DNAH10: variants seen among roughly 807,000 people sequenced by gnomAD.
DNAH10 encodes dynein axonemal heavy chain 10.
Under a neutral mutation model 506.6 loss-of-function variants are expected in DNAH10, and 348 were observed. The observed-to-expected ratio is 0.69, with a 90% CI of 0.63 to 0.75. The LOEUF (loss-of-function observed/expected upper bound fraction) is 0.75. Ranked by LOEUF, DNAH10 falls within the 30% of genes least tolerant of loss-of-function variation. The pLI, the probability that DNAH10 is intolerant of heterozygous loss-of-function variation, is 0.00. For synonymous variants in DNAH10, 2,059 were observed against 2,198.6 expected (o/e 0.94, Z 1.78); for missense variants, 5,179 against 5,787.1 (o/e 0.89, Z 3.41).
rs75245840 is a variant in DNAH10 at position 123,859,206 on chromosome 12, G to C, written c.6687G>C (p.Val2229=). 2,572 of 1,612,056 alleles carry C rather than the reference G, an allele frequency of 1.6e-3. 31 individuals are homozygous for C. The African/African-American group carries it at 0.03, about 18-fold the overall frequency. Residue 2229 remains valine, a synonymous_variant, in exon 38 of 79, where the codon GTG becomes GTC. Transcript: ENST00000673944. The stretch of plus-strand genomic sequence containing the variant: ...TGTTAACCCGCCACACGACGATGGT[G>C]GTGGGGCCCACCAGAGGGGGCAAGT... ...ETMLTRHTTM[V]VGPTRGGKSV...
At chr12:123,872,520 C>T (rs1952075846) in intron 45 of DNAH10, among the ~76,000 whole-genome samples, 1 of 152,192 alleles carries the variant, frequency 6.6e-6, no homozygotes, top group African/African-American at 2.4e-5. Flanking sequence ...CATTCAGCTT[C>T]AACACGTTCA....
chr12:123,930,106 G>A (rs1955137203), intron 72 of DNAH10: 1 of 516,772 alleles, frequency 1.9e-6, no homozygotes, highest in Non-Finnish European at 3.4e-6. Flanking sequence ...GCAGCTGCTG[G>A]CTTCTTCAGC....
At chr12:123,770,979 T>TC (rs1226803985) in intron 2 of DNAH10, among the ~76,000 whole-genome samples, 3 of 148,972 alleles carry the variant, frequency 2.0e-5, no homozygotes, top group Admixed American at 1.3e-4. Flanking sequence ...TAATTCTTTT[T>TC]TTTTTTTTTT....
chr12:123,867,029 C>G (rs1268299856), intron 41 of DNAH10, among the ~76,000 whole-genome samples: 1 of 152,216 alleles, frequency 6.6e-6, no homozygotes, highest in Admixed American at 6.5e-5. Context: ...GGAAGCATGA[C>G]AGAACCATCT....
intron 51 of DNAH10, among the ~76,000 whole-genome samples, chr12:123,884,342 A>G (rs1158812152): frequency 1.3e-5 from 2 of 152,200 alleles, no homozygotes; most frequent in African/African-American, 4.8e-5. Flanking sequence ...ACTCAGCATC[A>G]TTGCCATTAC....
In DNAH10 at chr12:123,916,379, C is replaced by T; in HGVS notation, c.10723-78C>T. On this transcript the variant is annotated intron_variant, in intron 62 of 78. Coordinates refer to ENST00000673944, the MANE Select transcript of DNAH10 (RefSeq NM_001372106.1). The surrounding 1 kb of genome is among the most constrained non-coding windows in gnomAD (Gnocchi z 4.6). ...TTCCTGGCCCATCCACTTCCCACTTCCAAGCCATTCTCCCCTTATATTTGG... is the reference window on the plus strand; with the variant it reads ...TTCCTGGCCCATCCACTTCCCACTTTCAAGCCATTCTCCCCTTATATTTGG... 6.5e-7 allele frequency: 1 copy of T among 1,531,934 alleles called. No individual in the cohort carries two copies. Among genetic ancestry groups the T allele is most frequent in the Admixed American group, 2.1e-5 (1 of 47,898 alleles). The allele number at this position is 1,531,934 out of a possible 1,614,324, so 94.9% of individuals were successfully genotyped here.
intron 10 of DNAH10, among the ~76,000 whole-genome samples, chr12:123,788,760 T>C (rs1412617901): frequency 6.6e-6 from 1 of 151,962 alleles, no homozygotes; most frequent in Non-Finnish European, 1.5e-5. Flanking sequence ...AGACCCTGTC[T>C]ATTGAAAATA....
At chr12:123,934,818 T>C in intron 78 of DNAH10, 52 bp downstream of exon 78, 1 of 1,607,150 alleles carries the variant, frequency 6.2e-7, no homozygotes, top group Non-Finnish European at 8.5e-7. Context: ...CTCTTCTGAC[T>C]GTAGTTATGG....
Position 123,928,073 on chromosome 12 carries a change from T to G in DNAH10, c.12106-314T>G. The G allele has an allele frequency of 2.1e-6, 1 of 476,900 alleles. No individual in the cohort carries two copies. The highest frequency in any genetic ancestry group is 3.8e-6 in the Non-Finnish European group (1 of 264,674). The allele number at this position is 476,900 out of a possible 1,614,324, so 29.5% of individuals were successfully genotyped here. On this transcript the variant is annotated intron_variant, in intron 69 of 78. Transcript: ENST00000673944. The surrounding 1 kb of genome is among the most constrained non-coding windows in gnomAD (Gnocchi z 4.9). ...TTTAGCTGGTCTCTTGCAGCCCTGCTCAGGAGTCCTCAGGGGACAGGAGCG... is the reference window on the plus strand; with the variant it reads ...TTTAGCTGGTCTCTTGCAGCCCTGCGCAGGAGTCCTCAGGGGACAGGAGCG...
rs184151378 is a variant in DNAH10 at position 123,797,525 on chromosome 12, G to A, written c.2163+693G>A. Among the ~76,000 whole-genome samples the A allele has an allele frequency of 5.1e-3, 774 of 151,970 alleles. 4 individuals carry two copies. Among genetic ancestry groups the A allele is most frequent in the African/African-American group, 0.017 (686 of 41,476 alleles). On this transcript the variant is annotated intron_variant, in intron 13 of 78. Coordinates refer to ENST00000673944, the MANE Select transcript of DNAH10 (RefSeq NM_001372106.1). ...CTCCTGCCTCAGCCTCCCGAGTAGC[G>A]GGGCCTACAGGTGTGGGCCACCACG...
In DNAH10 at chr12:123,889,417, A is replaced by T. The variant is rs78138255; in HGVS notation, c.8995+2104A>T. 4.1e-3 allele frequency among the ~76,000 whole-genome samples: 624 copies of T among 152,278 alleles called. 4 individuals are homozygous for T. The highest frequency in any genetic ancestry group is 0.014 in the African/African-American group (589 of 41,546). ...AGGGGGGATCGGGTCATCCACCTGG[A>T]TTTATTCCACAGTGTTTATTCCAGA... On this transcript the variant is annotated intron_variant, in intron 52 of 78. Coordinates refer to ENST00000673944, the MANE Select transcript of DNAH10 (RefSeq NM_001372106.1).
chr12:123,801,256 T>C, intron 15 of DNAH10, 25 bp from the exon 16 acceptor site: 1 of 1,610,454 alleles, frequency 6.2e-7, no homozygotes, highest in South Asian at 1.1e-5. Context: ...TCTCCTCAGG[T>C]TTATGACATT....
intron 57 of DNAH10, among the ~76,000 whole-genome samples, chr12:123,904,938 G>A (rs1953706904): frequency 6.6e-6 from 1 of 152,130 alleles, no homozygotes; most frequent in Non-Finnish European, 1.5e-5. Flanking sequence ...ACTGCAACAG[G>A]TAGTATGGGT....
At chr12:123,817,907 A>G (rs1959174156) in intron 21 of DNAH10, among the ~76,000 whole-genome samples, 1 of 151,286 alleles carries the variant, frequency 6.6e-6, no homozygotes, top group Admixed American at 6.6e-5. Flanking sequence ...GCTTTAGTTT[A>G]TGAAGGGCTT....
chr12:123,932,834 T>C (rs1955284084), intron 76 of DNAH10: 1 of 153,536 alleles, frequency 6.5e-6, no homozygotes, highest in Non-Finnish European at 1.4e-5. Flanking sequence ...CTGTGAATTG[T>C]CCTTTTGTAT....
intron 12 of DNAH10, among the ~76,000 whole-genome samples, chr12:123,795,662 C>T (rs766772152): frequency 6.6e-6 from 1 of 152,156 alleles, no homozygotes; most frequent in Admixed American, 6.5e-5. Flanking sequence ...CCATCTGCAA[C>T]CATAATTCCC....
In DNAH10 at chr12:123,848,026, C is replaced by T; in HGVS notation, c.5880C>T (p.Thr1960=). The T allele has an allele frequency of 6.2e-7, 1 of 1,614,026 alleles. No homozygotes were observed. Among genetic ancestry groups the T allele is most frequent in the South Asian group, 1.1e-5 (1 of 91,084 alleles). ...GPAGTGKTET[T]KDLAKALGLL... ...CAGGAACCGGCAAAACCGAGACCAC[C>T]AAGGACCTGGCGAAAGCCTTGGGCT... The change falls in exon 33 of 79, where the codon ACC becomes ACT. Residue 1960 remains threonine, a synonymous_variant. Coordinates refer to ENST00000673944, the MANE Select transcript of DNAH10 (RefSeq NM_001372106.1).
At chr12:123,861,253 A>T in intron 39 of DNAH10, 83 bp downstream of exon 39, 1 of 1,483,206 alleles carries the variant, frequency 6.7e-7, no homozygotes, top group Non-Finnish European at 9.1e-7. Context: ...AGGACTATAC[A>T]TTGTAGCTTC....
chr12:123,916,815 G>T lies in DNAH10; in HGVS notation c.11002+79G>T. Reference sequence around the variant, plus strand: ...CAACCTCAGATCAAGGCATTCATGGGACATCATTTCACTCAGTGACCCCAG... The same window carrying T: ...CAACCTCAGATCAAGGCATTCATGGTACATCATTTCACTCAGTGACCCCAG... On this transcript the variant is annotated intron_variant, in intron 63 of 78. Coordinates refer to ENST00000673944, the MANE Select transcript of DNAH10 (RefSeq NM_001372106.1). This position sits in a 1 kb window ranked among gnomAD's most constrained non-coding sequence, Gnocchi z 4.6. The T allele has an allele frequency of 6.7e-7, 1 of 1,495,452 alleles. No homozygotes were observed. 92.6% of individuals were successfully genotyped at this position (1,495,452 alleles called of 1,614,324 possible). A position where few individuals can be genotyped will look rare whatever the true frequency, so the allele number is the denominator to read the frequency against.
Sources: allele counts gnomAD v4.1 joint callset (sites outside exome capture counted in the v4.1 genomes callset), GRCh38; gene constraint gnomAD v4.1.1; non-coding constraint Gnocchi (gnomAD v3.1); transcripts MANE v1.5; gene names NCBI Gene and HGNC (gene_info 2026-07-23, HGNC 2026-07-21).